HSPG2: variants seen among roughly 807,000 people sequenced by gnomAD.
HSPG2 encodes the protein heparan sulfate proteoglycan 2, also known as basement membrane-specific heparan sulfate proteoglycan core protein.
Under a neutral mutation model 526.6 loss-of-function variants are expected in HSPG2, and 278 were observed. The ratio of observed to expected loss-of-function variants is 0.53; its 90% CI spans 0.48 to 0.58. HSPG2 has a LOEUF of 0.58. Ranked by LOEUF, HSPG2 falls within the 20% of genes least tolerant of loss-of-function variation. The pLI is 0.00. For synonymous variants in HSPG2, 2,465 were observed against 2,555.4 expected (o/e 0.96, Z 1.07); for missense variants, 5,354 against 6,099.5 (o/e 0.88, Z 4.07).
chr1:21,839,892 C>T lies in HSPG2; in HGVS notation c.9639G>A (p.Gln3213=). 6.2e-7 allele frequency: 1 copy of T among 1,614,168 alleles called. No homozygotes were observed. Among genetic ancestry groups the T allele is most frequent in the Non-Finnish European group, 8.5e-7 (1 of 1,180,034 alleles). Residue 3213 remains glutamine (Q), a synonymous_variant, in exon 72 of 97, where the codon CAG becomes CAA. Coordinates refer to ENST00000374695, the MANE Select transcript of HSPG2 (RefSeq NM_005529.7). This position sits in a 1 kb window ranked among gnomAD's most constrained non-coding sequence, Gnocchi z 4.5. ...DTGAMAPGAP[Q]VQAEEAELTV... is the part of the protein sequence containing the mutation. Reference sequence around the variant, plus strand: ...TCAGCTCAGCTTCTTCAGCTTGGACCTGAGGGGCCCCTGGGGCCATGGCGC... The same window carrying T: ...TCAGCTCAGCTTCTTCAGCTTGGACTTGAGGGGCCCCTGGGGCCATGGCGC...
chr1:21,823,478 A>T lies in HSPG2; in HGVS notation c.13014T>A (p.Pro4338=), dbSNP rs372290348. 6.2e-7 allele frequency: 1 copy of T among 1,600,442 alleles called. No homozygotes were observed. The highest frequency in any genetic ancestry group is 8.5e-7 in the Non-Finnish European group (1 of 1,177,500). ...AKGSVYIGGA[P]DVATLTGGRF... ...TGCCCCCGGTCAGCGTGGCCACGTC[A>T]GGGGCTCCGCCTGCCGGGAGGTGAG... Residue 4338 remains proline, a synonymous_variant, in exon 97 of 97, where the codon CCT becomes CCA. Transcript: ENST00000374695.
chr1:21,888,705 TG>T (rs747184696), intron 6 of HSPG2: 28 of 1,362,230 alleles, frequency 2.1e-5, no homozygotes, highest in Non-Finnish European at 2.5e-5. Context: ...CCGGCGGGGG[TG>T]GGGGGGTCTG....
intron 33 of HSPG2, among the ~76,000 whole-genome samples, chr1:21,871,724 T>C: frequency 6.6e-6 from 1 of 152,216 alleles, no homozygotes; most frequent in East Asian, 1.9e-4. Context: ...TTGTAAAGGA[T>C]GCTGCCTAGC....
chr1:21,867,761 C>A (rs1454634490), intron 33 of HSPG2, among the ~76,000 whole-genome samples: 1 of 152,050 alleles, frequency 6.6e-6, no homozygotes, highest in East Asian at 1.9e-4. Context: ...GATGGAGTTT[C>A]ACTCTTGTTG....
intron 91 of HSPG2, among the ~76,000 whole-genome samples, chr1:21,825,982 C>T (rs535305843): frequency 2.3e-4 from 35 of 152,056 alleles, no homozygotes; most frequent in Admixed American, 1.2e-3. Context: ...GATGGGGTTT[C>T]GCCATGTTGG....
chr1:21,914,264 G>C (rs1462452112), intron 1 of HSPG2, among the ~76,000 whole-genome samples: 1 of 152,178 alleles, frequency 6.6e-6, no homozygotes, highest in East Asian at 1.9e-4. Context: ...AGGGGACGGG[G>C]AGTGGCCTGT....
chr1:21,907,048 C>T (rs1643417673), intron 1 of HSPG2, among the ~76,000 whole-genome samples: 1 of 152,166 alleles, frequency 6.6e-6, no homozygotes, highest in Non-Finnish European at 1.5e-5. Context: ...TGATTGACAC[C>T]TGTCACCTGA....
chr1:21,902,119 G>A (rs189670869), intron 1 of HSPG2, among the ~76,000 whole-genome samples: 115 of 152,308 alleles, frequency 7.6e-4, no homozygotes, highest in African/African-American at 2.5e-3. Context: ...GGAATCTGTC[G>A]GGGCAGCACT....
intron 1 of HSPG2, among the ~76,000 whole-genome samples, chr1:21,902,907 A>G (rs1643177961): frequency 6.6e-6 from 1 of 152,156 alleles, no homozygotes; most frequent in Admixed American, 6.5e-5. Context: ...GGGCATCCAC[A>G]CCCACCATCT....
At chr1:21,871,824 G>A (rs973881621) in intron 33 of HSPG2, among the ~76,000 whole-genome samples, 20 of 151,554 alleles carry the variant, frequency 1.3e-4, no homozygotes, top group African/African-American at 4.8e-4. Flanking sequence ...GAGTGAAGTC[G>A]GAGCGGGCAC....
At chr1:21,901,119 C>T (rs1294303508) in intron 1 of HSPG2, among the ~76,000 whole-genome samples, 2 of 152,094 alleles carry the variant, frequency 1.3e-5, no homozygotes, top group Non-Finnish European at 2.9e-5. Flanking sequence ...AATTCCAGAA[C>T]ACATCTGACT....
In HSPG2 at chr1:21,824,060, G is replaced by A. The variant is rs1263568991; in HGVS notation, c.12899+61C>T. 6.9e-7 allele frequency: 1 copy of A among 1,450,376 alleles called. No individual in the cohort carries two copies. The allele number at this position is 1,450,376 out of a possible 1,614,324, so 89.8% of individuals were successfully genotyped here. A position where few individuals can be genotyped will look rare whatever the true frequency, so the allele number is the denominator to read the frequency against. ...ACCTGCCTCTCTGCCCATGGTAGGG[G>A]GCGTCCTGCCCCACTCCAGAACGCT... On this transcript the variant is annotated intron_variant, in intron 95 of 96. Coordinates refer to ENST00000374695, the MANE Select transcript of HSPG2 (RefSeq NM_005529.7). This position sits in a 1 kb window ranked among gnomAD's most constrained non-coding sequence, Gnocchi z 5.9.
At chr1:21,903,019 C>T (rs908209551) in intron 1 of HSPG2, among the ~76,000 whole-genome samples, 1 of 152,226 alleles carries the variant, frequency 6.6e-6, no homozygotes, top group Non-Finnish European at 1.5e-5. Flanking sequence ...AATAAATCTG[C>T]GGACTCACGG....
chr1:21,927,853 G>A (rs939241156), intron 1 of HSPG2, among the ~76,000 whole-genome samples: 4 of 152,198 alleles, frequency 2.6e-5, no homozygotes, highest in Non-Finnish European at 5.9e-5. Context: ...CCCAGGGAAT[G>A]GACAATCCCC....
chr1:21,833,780 C>G (rs1345140511), intron 78 of HSPG2, 36 bp downstream of exon 78: 2 of 1,534,340 alleles, frequency 1.3e-6, no homozygotes, highest in Non-Finnish European at 8.9e-7. Context: ...TCCCAGCCCC[C>G]AAGTCATGCC....
chr1:21,840,968 C>G, intron 71 of HSPG2, 133 bp downstream of exon 71: 1 of 769,286 alleles, frequency 1.3e-6, no homozygotes. Flanking sequence ...TCCACCCATC[C>G]CATCCCATTC....
At chr1:21,841,942 G>T (rs1366349389) in intron 69 of HSPG2, 60 bp downstream of exon 69, 1 of 1,602,418 alleles carries the variant, frequency 6.2e-7, no homozygotes, top group Non-Finnish European at 8.5e-7. Flanking sequence ...TGCACAGTGG[G>T]GATGACGGCA....
intron 1 of HSPG2, among the ~76,000 whole-genome samples, chr1:21,932,527 C>A (rs920934916): frequency 2.0e-5 from 3 of 152,210 alleles, no homozygotes; most frequent in African/African-American, 7.2e-5. Flanking sequence ...TGAGGTCCTG[C>A]TCTCGTAGAA....
chr1:21,850,273 C>G lies in HSPG2; in HGVS notation c.7295-81G>C, dbSNP rs1638784256. 7 of 1,610,876 alleles carry G rather than the reference C, an allele frequency of 4.3e-6. No individual in the cohort carries two copies. The South Asian group carries it at 6.6e-5, about 15-fold the overall frequency. On this transcript the variant is annotated intron_variant, in intron 56 of 96. Coordinates refer to ENST00000374695, the MANE Select transcript of HSPG2 (RefSeq NM_005529.7). Reference sequence around the variant, plus strand: ...CTCCTGGTCTCAAGGCAGGTGCAGTCTGCGGCTTGGCCTCCTGATCCTGCC... The same window carrying G: ...CTCCTGGTCTCAAGGCAGGTGCAGTGTGCGGCTTGGCCTCCTGATCCTGCC...
Sources: gnomAD v4.1 joint callset for allele counts (sites outside exome capture counted in the v4.1 genomes callset) on GRCh38, gnomAD v4.1.1 for gene constraint, Gnocchi (gnomAD v3.1) non-coding constraint, MANE v1.5 for transcripts, NCBI Gene and HGNC (gene_info 2026-07-23, HGNC 2026-07-21) for gene names.